CADPS2: variants seen among roughly 807,000 people sequenced by gnomAD.
CADPS2 encodes calcium dependent secretion activator 2.
In CADPS2, 93 loss-of-function variants were observed where a neutral mutation model predicts 172.5. The observed-to-expected ratio is 0.54, with a 90% CI of 0.46 to 0.64. CADPS2 has a LOEUF of 0.64. CADPS2 is among the 30% of genes least tolerant of loss of function. CADPS2 has a pLI of 0.00. For synonymous variants in CADPS2, 546 were observed against 555.2 expected (o/e 0.98, Z 0.23); for missense variants, 1,420 against 1,565.9 (o/e 0.91, Z 1.57).
At chr7:122,589,232 T>C (rs183038314) in intron 6 of CADPS2, among the ~76,000 whole-genome samples, 1 of 151,920 alleles carries the variant, frequency 6.6e-6, no homozygotes, top group African/African-American at 2.4e-5. Context: ...CCTTTACTAA[T>C]AAACAGTATT....
At chr7:122,557,249 G>A (rs1440954262) in intron 7 of CADPS2, among the ~76,000 whole-genome samples, 2 of 152,168 alleles carry the variant, frequency 1.3e-5, no homozygotes, top group Non-Finnish European at 2.9e-5. Context: ...ATTTCGCCAT[G>A]AATGAATAGA....
At chr7:122,619,947 A>C (rs1487768556) in intron 5 of CADPS2, among the ~76,000 whole-genome samples, 1 of 152,304 alleles carries the variant, frequency 6.6e-6, no homozygotes, top group African/African-American at 2.4e-5. Context: ...TCTGACACTA[A>C]GTTTAATCCA....
chr7:122,828,656 A>C (rs1284170310), intron 1 of CADPS2, among the ~76,000 whole-genome samples: 3 of 152,102 alleles, frequency 2.0e-5, no homozygotes, highest in African/African-American at 7.2e-5. Context: ...TGGTTCTCTA[A>C]GATTTATTCT....
chr7:122,358,010 G>C (rs571328914), intron 27 of CADPS2, among the ~76,000 whole-genome samples: 1 of 152,164 alleles, frequency 6.6e-6, no homozygotes, highest in East Asian at 1.9e-4. Flanking sequence ...GTGATTGGTG[G>C]GTTACATAGT....
chr7:122,552,783 T>G lies in CADPS2; in HGVS notation c.1475+1767A>C, dbSNP rs1029911728. On this transcript the variant is annotated intron_variant, in intron 8 of 29. Coordinates refer to ENST00000449022, the MANE Select transcript of CADPS2 (RefSeq NM_017954.11). ...CACTATGATAGGTTCCTGTTTTTTT[T>G]TTTTTTTTTTATTATTGTGCCATTC... is the stretch of plus-strand genomic sequence containing the variant. 8.6e-5 allele frequency among the ~76,000 whole-genome samples: 13 copies of G among 151,648 alleles called. No individual in the cohort carries two copies. The East Asian group carries it at 1.6e-3, about 18-fold the overall frequency.
At chr7:122,680,220 C>G (rs1177849519) in intron 2 of CADPS2, among the ~76,000 whole-genome samples, 1 of 152,212 alleles carries the variant, frequency 6.6e-6, no homozygotes, top group Non-Finnish European at 1.5e-5. Context: ...TTTAAACAAT[C>G]CCATTTCTTT....
At chr7:122,448,335 A>C (rs528652415) in intron 15 of CADPS2, among the ~76,000 whole-genome samples, 1 of 152,258 alleles carries the variant, frequency 6.6e-6, no homozygotes, top group South Asian at 2.1e-4. Flanking sequence ...AGCATGGGGG[A>C]AACCTCCCCT....
intron 7 of CADPS2, among the ~76,000 whole-genome samples, chr7:122,558,659 A>C (rs949201055): frequency 6.6e-6 from 1 of 152,176 alleles, no homozygotes; most frequent in African/African-American, 2.4e-5. Flanking sequence ...CAGGAGGAAA[A>C]ACTAAGACTT....
At chr7:122,719,939 A>G (rs1028510810) in intron 2 of CADPS2, among the ~76,000 whole-genome samples, 8 of 152,092 alleles carry the variant, frequency 5.3e-5, no homozygotes, top group Non-Finnish European at 8.8e-5. Flanking sequence ...AGCTCATATA[A>G]ACCATCTCAA....
In CADPS2 at chr7:122,495,196, G is replaced by A. The variant is rs190760888; in HGVS notation, c.1543-3776C>T. ...ACTAACATGTATATATTCATCATTC[G>A]GCTTTGTTGAATGGTAATTTCTTAG... On this transcript the variant is annotated intron_variant, in intron 9 of 29. Coordinates refer to ENST00000449022, the MANE Select transcript of CADPS2 (RefSeq NM_017954.11). Among the ~76,000 whole-genome samples, 151 of 151,860 alleles carry A rather than the reference G, an allele frequency of 9.9e-4. 1 individual carries two copies. The highest frequency in any genetic ancestry group is 1.9e-3 in the Non-Finnish European group (126 of 67,942).
In CADPS2 at chr7:122,503,680, C is replaced by T. The variant is rs548322968; in HGVS notation, c.1542+9569G>A. ...TTGTGTATTTATAACCTCTGTATCTCCCCTTATGTTCTTATAAGTACTTTT... is the reference window on the plus strand; with the variant it reads ...TTGTGTATTTATAACCTCTGTATCTTCCCTTATGTTCTTATAAGTACTTTT... On this transcript the variant is annotated intron_variant, in intron 9 of 29. Transcript: ENST00000449022. Among the ~76,000 whole-genome samples the T allele has an allele frequency of 1.4e-4, 22 of 152,254 alleles. No homozygotes were observed. The South Asian group carries it at 4.1e-3, about 29-fold the overall frequency.
rs377095346 is a variant in CADPS2, at chr7:122,474,474, A to G, written c.1905T>C (p.Ser635=). 5.6e-6 allele frequency: 9 copies of G among 1,613,316 alleles called. No individual in the cohort carries two copies. Among genetic ancestry groups the G allele is most frequent in the African/African-American group, 1.3e-5 (1 of 74,888 alleles). Residue 635 remains serine (S), a synonymous_variant, in exon 13 of 30, where the codon TCT becomes TCC. Transcript: ENST00000449022. ...FQKHGMDEFI[S]ANPCKLDHAF... ...CATGATCAAGCTTGCAGGGGTTTGC[A>G]GAAATAAACTCATCCATACCATGTT...
intron 7 of CADPS2, among the ~76,000 whole-genome samples, chr7:122,562,177 C>G (rs996648679): frequency 5.9e-5 from 9 of 152,108 alleles, no homozygotes; most frequent in African/African-American, 2.2e-4. Flanking sequence ...AGATCCTAAT[C>G]CCCAGGACTT....
intron 3 of CADPS2, among the ~76,000 whole-genome samples, chr7:122,637,569 G>A (rs548555033): frequency 2.0e-5 from 3 of 152,152 alleles, no homozygotes; most frequent in African/African-American, 4.8e-5. Flanking sequence ...GCTGTTTTAC[G>A]GAATTCCTTG....
At chr7:122,882,091 T>C (rs1445789962) in intron 1 of CADPS2, among the ~76,000 whole-genome samples, 1 of 152,142 alleles carries the variant, frequency 6.6e-6, no homozygotes, top group African/African-American at 2.4e-5. Flanking sequence ...AACATTCAAA[T>C]GAGCGAGTTG....
intron 17 of CADPS2, among the ~76,000 whole-genome samples, chr7:122,436,170 C>T (rs994647811): frequency 1.3e-5 from 2 of 152,040 alleles, no homozygotes; most frequent in African/African-American, 4.8e-5. Flanking sequence ...AGGAAACTTT[C>T]GTAGGTGATG....
intron 3 of CADPS2, among the ~76,000 whole-genome samples, chr7:122,659,214 A>G (rs1490032049): frequency 2.0e-5 from 3 of 150,950 alleles, no homozygotes; most frequent in Admixed American, 1.3e-4. Flanking sequence ...TAATAGGCTA[A>G]GGGCCCTAAT....
chr7:122,840,161 G>C (rs1809991814), intron 1 of CADPS2, among the ~76,000 whole-genome samples: 2 of 152,004 alleles, frequency 1.3e-5, no homozygotes, highest in African/African-American at 4.8e-5. Context: ...CCATCGTTCT[G>C]AGCAAACTAT....
intron 2 of CADPS2, among the ~76,000 whole-genome samples, chr7:122,678,520 G>GA (rs1332897178): frequency 1.3e-5 from 2 of 152,188 alleles, no homozygotes; most frequent in Non-Finnish European, 2.9e-5. Context: ...AAGGGTTTAG[G>GA]AAATGGGGAA....
Sources: gnomAD v4.1 joint callset for allele counts (sites outside exome capture counted in the v4.1 genomes callset) on GRCh38, gnomAD v4.1.1 for gene constraint, MANE v1.5 for transcripts, NCBI Gene and HGNC (gene_info 2026-07-23, HGNC 2026-07-21) for gene names.